NR6A1: variants seen among roughly 807,000 people sequenced by gnomAD.
NR6A1 encodes nuclear receptor subfamily 6 group A member 1.
A neutral mutation model predicts 59.1 loss-of-function variants in NR6A1; 7 were observed. The observed-to-expected ratio is 0.12, with a 90% CI of 0.07 to 0.22. The LOEUF (loss-of-function observed/expected upper bound fraction) is 0.22, where lower values mean the gene tolerates loss of function less well. Ranked by LOEUF, NR6A1 falls within the 10% of genes least tolerant of loss-of-function variation. NR6A1 has a pLI of 1.00. For missense variants in NR6A1, 468 were observed against 611.6 expected (o/e 0.77, Z 2.48); for synonymous variants, 243 against 236.1 (o/e 1.03, Z -0.27).
intron 1 of NR6A1, among the ~76,000 whole-genome samples, chr9:124,754,941 C>G (rs763149847): frequency 1.3e-5 from 2 of 152,182 alleles, no homozygotes; most frequent in East Asian, 3.9e-4. Flanking sequence ...ATCTCCACCC[C>G]CCTTCCACTC....
intron 2 of NR6A1, among the ~76,000 whole-genome samples, chr9:124,729,412 T>C (rs919741366): frequency 6.6e-6 from 1 of 152,044 alleles, no homozygotes; most frequent in African/African-American, 2.4e-5. Context: ...AAAAAATATT[T>C]GAAAGAGAAA....
chr9:124,754,318 A>G (rs910373441), intron 1 of NR6A1, among the ~76,000 whole-genome samples: 6 of 152,238 alleles, frequency 3.9e-5, no homozygotes, highest in African/African-American at 9.6e-5. Flanking sequence ...CCAAATCTCC[A>G]AATAGCCAAT....
At chr9:124,751,372 G>C (rs567990080) in intron 1 of NR6A1, among the ~76,000 whole-genome samples, 3 of 152,304 alleles carry the variant, frequency 2.0e-5, no homozygotes, top group African/African-American at 7.2e-5. Context: ...TTTTGTGTGT[G>C]TGATTTACAA....
At chr9:124,623,785 G>GA (rs1217113980) in intron 2 of NR6A1, among the ~76,000 whole-genome samples, 2 of 152,104 alleles carry the variant, frequency 1.3e-5, no homozygotes, top group Non-Finnish European at 2.9e-5. Flanking sequence ...GGTCTTGAAG[G>GA]AAAAACTACT....
At chr9:124,617,255 G>A (rs1835922469) in intron 2 of NR6A1, among the ~76,000 whole-genome samples, 1 of 152,196 alleles carries the variant, frequency 6.6e-6, no homozygotes, top group South Asian at 2.1e-4. Flanking sequence ...AGCTTTGAGA[G>A]CCAATTTTGA....
rs922378385 is a variant in NR6A1 at position 124,666,275 on chromosome 9, C to CTTTTTTTTTTTTTTTTT, written c.142+67016_142+67032dup. Reference sequence around the variant, plus strand: ...TTGGCGGAATTACCTCTATGTGGTTCTTTTTTTTTTTTTTTTTTTTTGAGA... The same window carrying CTTTTTTTTTTTTTTTTT: ...TTGGCGGAATTACCTCTATGTGGTTCTTTTTTTTTTTTTTTTTTTTTTTTTTTTTTTTTTTTTTGAGA... On this transcript the variant is annotated intron_variant, in intron 2 of 9. Coordinates refer to ENST00000487099, the MANE Select transcript of NR6A1 (RefSeq NM_033334.4). Among the ~76,000 whole-genome samples, 54 of 103,050 alleles carry CTTTTTTTTTTTTTTTTT rather than the reference C, an allele frequency of 5.2e-4. 2 individuals are homozygous for CTTTTTTTTTTTTTTTTT. In the East Asian group the frequency reaches 8.3e-3, roughly 16 times the overall value. The allele number at this position is 103,050 out of a possible 152,430, so 67.6% of individuals were successfully genotyped here. A position where few individuals can be genotyped will look rare whatever the true frequency, so the allele number is the denominator to read the frequency against.
intron 1 of NR6A1, among the ~76,000 whole-genome samples, chr9:124,734,597 G>A (rs1839970539): frequency 6.6e-6 from 1 of 152,196 alleles, no homozygotes; most frequent in African/African-American, 2.4e-5. Flanking sequence ...GGAGGCTGAG[G>A]CAGGAGAATC....
chr9:124,733,437 A>G (rs916555244), intron 1 of NR6A1, 88 bp from the exon 2 acceptor site: 1 of 999,932 alleles, frequency 1.0e-6, no homozygotes, highest in African/African-American at 1.6e-5. Flanking sequence ...AGTTGGGGGG[A>G]AATCTATACT....
At chr9:124,734,177 G>A (rs960826087) in intron 1 of NR6A1, among the ~76,000 whole-genome samples, 5 of 152,148 alleles carry the variant, frequency 3.3e-5, no homozygotes, top group Non-Finnish European at 7.4e-5. Context: ...CACACACAAG[G>A]TCAAATTCCT....
chr9:124,754,336 A>T (rs1840583109), intron 1 of NR6A1, among the ~76,000 whole-genome samples: 1 of 152,240 alleles, frequency 6.6e-6, no homozygotes, highest in Non-Finnish European at 1.5e-5. Flanking sequence ...AATTCTCTAA[A>T]TTTGTCAAAA....
At chr9:124,729,087 A>G (rs926151651) in intron 2 of NR6A1, among the ~76,000 whole-genome samples, 11 of 152,346 alleles carry the variant, frequency 7.2e-5, no homozygotes, top group African/African-American at 1.7e-4. Context: ...TAAAACCTAG[A>G]TAAGTCTAGA....
intron 2 of NR6A1, among the ~76,000 whole-genome samples, chr9:124,660,829 A>G (rs979725204): frequency 3.9e-5 from 6 of 152,156 alleles, no homozygotes; most frequent in African/African-American, 1.4e-4. Context: ...ACAGTAAGAA[A>G]TATCAAAAGC....
intron 2 of NR6A1, among the ~76,000 whole-genome samples, chr9:124,631,047 G>C (rs891165421): frequency 1.3e-5 from 2 of 151,732 alleles, no homozygotes; most frequent in Non-Finnish European, 2.9e-5. Flanking sequence ...TTATTGTGAG[G>C]TATAAAGTAA....
At chr9:124,594,377 G>A (rs1835212745) in intron 2 of NR6A1, among the ~76,000 whole-genome samples, 2 of 152,096 alleles carry the variant, frequency 1.3e-5, no homozygotes. Context: ...AGAGCTAGCA[G>A]ACTACATATC....
At chr9:124,590,417 C>T (rs1835081527) in intron 2 of NR6A1, among the ~76,000 whole-genome samples, 2 of 152,182 alleles carry the variant, frequency 1.3e-5, no homozygotes, top group South Asian at 4.2e-4. Flanking sequence ...AATCCCACTG[C>T]TAGCTCATCT....
intron 1 of NR6A1, among the ~76,000 whole-genome samples, chr9:124,739,768 C>T (rs1226642956): frequency 3.3e-5 from 5 of 152,194 alleles, no homozygotes; most frequent in Non-Finnish European, 1.5e-5. Context: ...CTTAAATAAA[C>T]TTCTGAGTAT....
At chr9:124,642,766 G>A (rs1048281551) in intron 2 of NR6A1, among the ~76,000 whole-genome samples, 1 of 152,118 alleles carries the variant, frequency 6.6e-6, no homozygotes, top group African/African-American at 2.4e-5. Context: ...AAAAGACAAC[G>A]TGTAGAGTGA....
intron 2 of NR6A1, among the ~76,000 whole-genome samples, chr9:124,674,560 A>T (rs2130976428): frequency 6.6e-6 from 1 of 152,330 alleles, no homozygotes; most frequent in South Asian, 2.1e-4. Flanking sequence ...AAAGTCCTAA[A>T]AATAAAACCT....
chr9:124,596,727 C>T (rs1835282783), intron 2 of NR6A1, among the ~76,000 whole-genome samples: 1 of 152,216 alleles, frequency 6.6e-6, no homozygotes. Flanking sequence ...GAGTGTATAA[C>T]ACCGAGTGTG....
Sources: gnomAD v4.1 joint callset for allele counts (sites outside exome capture counted in the v4.1 genomes callset) on GRCh38, gnomAD v4.1.1 for gene constraint, MANE v1.5 for transcripts, NCBI Gene and HGNC (gene_info 2026-07-23, HGNC 2026-07-21) for gene names.